SHTN1: variants seen among roughly 807,000 people sequenced by gnomAD.
The protein encoded by SHTN1 is shootin-1.
SHTN1 carries 42 observed loss-of-function variants against 83.1 expected under a neutral mutation model. The observed-to-expected ratio is 0.51, with a 90% CI of 0.39 to 0.65. The LOEUF (loss-of-function observed/expected upper bound fraction) is 0.65, where lower values mean the gene tolerates loss of function less well. Among genes scored for constraint, SHTN1 ranks in the 30% least tolerant of loss-of-function variants. The pLI is 0.00. For synonymous variants in SHTN1, 224 were observed against 247.7 expected, an observed-to-expected ratio of 0.90 and a Z score of 0.90; for missense variants, 622 against 737.8, an observed-to-expected ratio of 0.84 and a Z score of 1.82.
intron 1 of SHTN1, among the ~76,000 whole-genome samples, chr10:117,051,925 C>T (rs963076811): frequency 1.1e-4 from 15 of 141,704 alleles, no homozygotes; most frequent in African/African-American, 3.6e-4. Flanking sequence ...AATAATTAGG[C>T]AAGGAAAAGA....
intron 9 of SHTN1, among the ~76,000 whole-genome samples, chr10:116,932,153 G>A (rs954862900): frequency 6.6e-6 from 1 of 152,172 alleles, no homozygotes; most frequent in Non-Finnish European, 1.5e-5. Context: ...GCCAGCCACA[G>A]CTCCCAATCA....
At chr10:116,948,383 C>T (rs1169589829) in intron 7 of SHTN1, among the ~76,000 whole-genome samples, 3 of 152,190 alleles carry the variant, frequency 2.0e-5, no homozygotes, top group East Asian at 3.8e-4. Flanking sequence ...TCTTATTGCA[C>T]TGACTGTCAG....
intron 3 of SHTN1, among the ~76,000 whole-genome samples, chr10:116,963,364 G>A (rs1244321972): frequency 1.3e-5 from 2 of 151,570 alleles, no homozygotes; most frequent in Non-Finnish European, 2.9e-5. Flanking sequence ...GAGCCACCGC[G>A]CCCGGCCATA....
intron 1 of SHTN1, among the ~76,000 whole-genome samples, chr10:117,118,030 A>AT (rs1749916626): frequency 6.6e-6 from 1 of 152,204 alleles, no homozygotes; most frequent in African/African-American, 2.4e-5. Context: ...CAAAGCAAAA[A>AT]TAGACAATGG....
At chr10:116,909,023 ATTTT>A (rs1848085834) in intron 14 of SHTN1, among the ~76,000 whole-genome samples, 3 of 152,210 alleles carry the variant, frequency 2.0e-5, no homozygotes, top group Admixed American at 6.5e-5. Context: ...TACCAAGACT[ATTTT>A]AGTTATCTCT....
intron 1 of SHTN1, among the ~76,000 whole-genome samples, chr10:116,990,399 T>C (rs1851386913): frequency 6.6e-6 from 1 of 151,904 alleles, no homozygotes; most frequent in African/African-American, 2.4e-5. Context: ...AAGCAAGGTT[T>C]TTCTCCTTGC....
rs1849210968 is a variant in SHTN1, at chr10:116,937,336, A to T, written c.858+3130T>A. Among the ~76,000 whole-genome samples the T allele has an allele frequency of 3.3e-5, 5 of 152,174 alleles. No homozygotes were observed. In the South Asian group the frequency reaches 8.3e-4, roughly 25 times the overall value. ...TTCCATGTTTAGTGCTTCCTTCAGG[A>T]ACTCTTAAAAGGCAGGGCTGGCGGT... On this transcript the variant is annotated intron_variant, in intron 9 of 16. Transcript: ENST00000355371.
chr10:117,042,052 T>C (rs993569470), intron 2 of SHTN1, among the ~76,000 whole-genome samples: 1 of 152,214 alleles, frequency 6.6e-6, no homozygotes, highest in South Asian at 2.1e-4. Context: ...GTGGAGGAAA[T>C]ACATTAAGGA....
intron 1 of SHTN1, among the ~76,000 whole-genome samples, chr10:117,003,901 A>AT (rs938239061): frequency 1.6e-4 from 24 of 150,704 alleles, no homozygotes; most frequent in African/African-American, 3.2e-4. Flanking sequence ...TATTATTATT[A>AT]TTTTTTTTTG....
chr10:116,888,783 C>T (rs1304955112), intron 16 of SHTN1, among the ~76,000 whole-genome samples: 4 of 152,182 alleles, frequency 2.6e-5, no homozygotes, highest in African/African-American at 4.8e-5. Flanking sequence ...CACGGACCTT[C>T]CGAGGGTTAA....
chr10:116,899,924 C>A (rs1403416901), intron 16 of SHTN1, among the ~76,000 whole-genome samples: 1 of 152,072 alleles, frequency 6.6e-6, no homozygotes, highest in African/African-American at 2.4e-5. Flanking sequence ...GGGATTCTGA[C>A]AAATGATACA....
At chr10:116,968,292 A>G (rs1001480738) in intron 3 of SHTN1, among the ~76,000 whole-genome samples, 24 of 152,216 alleles carry the variant, frequency 1.6e-4, no homozygotes, top group African/African-American at 5.8e-4. Flanking sequence ...CTGAATTTAA[A>G]ACACGATTAC....
intron 1 of SHTN1, among the ~76,000 whole-genome samples, chr10:117,077,937 G>A (rs923413750): frequency 2.0e-5 from 3 of 152,188 alleles, no homozygotes; most frequent in African/African-American, 4.8e-5. Context: ...TTTAAGAAGA[G>A]ACGCAGCAGC....
intron 2 of SHTN1, among the ~76,000 whole-genome samples, chr10:116,978,595 T>A (rs1244158773): frequency 6.7e-6 from 1 of 149,770 alleles, no homozygotes; most frequent in African/African-American, 2.4e-5. Flanking sequence ...TTACAAGAAA[T>A]ATATATATAT....
intron 16 of SHTN1, among the ~76,000 whole-genome samples, chr10:116,891,681 ATTGT>A (rs376544138): frequency 4.6e-5 from 7 of 152,116 alleles, no homozygotes; most frequent in Admixed American, 2.0e-4. Context: ...GGTAGTTTTG[ATTGT>A]TTCTTTTGGA....
At chr10:116,992,695 G>A (rs1851482980) in intron 1 of SHTN1, among the ~76,000 whole-genome samples, 1 of 152,020 alleles carries the variant, frequency 6.6e-6, no homozygotes, top group South Asian at 2.1e-4. Context: ...GATTCTTAGA[G>A]GGGACAAAAA....
At chr10:116,940,757 T>C (rs1455041233) in intron 8 of SHTN1, 145 bp from the exon 9 acceptor site, 2 of 556,920 alleles carry the variant, frequency 3.6e-6, no homozygotes, top group Non-Finnish European at 6.0e-6. Flanking sequence ...GAAGTAGTGA[T>C]TGCTATGATT....
chr10:117,046,718 C>T (rs1852668607), intron 2 of SHTN1, among the ~76,000 whole-genome samples: 2 of 152,084 alleles, frequency 1.3e-5, no homozygotes, highest in Non-Finnish European at 2.9e-5. Context: ...GCTACATCAT[C>T]CAACCTTGAA....
At chr10:117,092,952 A>G (rs891836819) in intron 1 of SHTN1, among the ~76,000 whole-genome samples, 2 of 152,210 alleles carry the variant, frequency 1.3e-5, no homozygotes, top group Admixed American at 1.3e-4. Context: ...GACAGAGCTG[A>G]AATTCTTCAA....
Sources: gnomAD v4.1 joint callset for allele counts (sites outside exome capture counted in the v4.1 genomes callset) on GRCh38, gnomAD v4.1.1 for gene constraint, MANE v1.5 for transcripts, NCBI Gene and HGNC (gene_info 2026-07-23, HGNC 2026-07-21) for gene names.